Variants in DPP6 observed in about 807,000 individuals in gnomAD.
The protein encoded by DPP6 is dipeptidyl peptidase like 6.
DPP6 carries 69 observed loss-of-function variants against 122.6 expected under a neutral mutation model. The observed-to-expected ratio is 0.56, with a 90% CI of 0.46 to 0.69. DPP6 has a LOEUF of 0.69. DPP6 is among the 30% of genes least tolerant of loss of function. DPP6 has a pLI of 0.00. For missense variants in DPP6, 928 were observed against 1,116.9 expected (o/e 0.83, Z 2.41); for synonymous variants, 418 against 433.1 (o/e 0.97, Z 0.43).
the DPP6 span, among the ~76,000 whole-genome samples, chr7:153,855,810 A>G: frequency 2.5e-3 from 382 of 152,158 alleles, 1 homozygote; most frequent in African/African-American, 8.2e-3. Context: ...TACCATACCT[A>G]CATCTCTGCA....
chr7:154,060,733 CGCGAGGCAGGG>C (rs1801696594), intron 1 of DPP6, among the ~76,000 whole-genome samples: 2 of 145,388 alleles, frequency 1.4e-5, no homozygotes, highest in East Asian at 2.0e-4. Context: ...AGGCACCCCC[CGCGAGGCAGGG>C]ACTGAGAGCC....
At chr7:154,363,682 T>G (rs1811924078) in intron 1 of DPP6, among the ~76,000 whole-genome samples, 1 of 152,350 alleles carries the variant, frequency 6.6e-6, no homozygotes, top group African/African-American at 2.4e-5. Context: ...AAATGTCTAT[T>G]TTTTAAGACT....
intron 1 of DPP6, among the ~76,000 whole-genome samples, chr7:154,305,889 C>G (rs1283382972): frequency 6.6e-6 from 1 of 152,094 alleles, no homozygotes; most frequent in Admixed American, 6.6e-5. Context: ...TACAGAGCCG[C>G]CAGATCTAAC....
At chr7:154,824,024 T>A (rs912740330) in intron 16 of DPP6, among the ~76,000 whole-genome samples, 8 of 152,378 alleles carry the variant, frequency 5.3e-5, no homozygotes, top group African/African-American at 1.7e-4. Flanking sequence ...TTTGAAAAGT[T>A]GATCTTTGTC....
At chr7:154,889,569 A>C (rs1806438597) in intron 25 of DPP6, 39 bp downstream of exon 25, 1 of 1,579,700 alleles carries the variant, frequency 6.3e-7, no homozygotes. Flanking sequence ...ACCTGGAGCA[A>C]GACATTCCTT....
At chr7:154,247,938 CAA>C (rs1176618783) in intron 1 of DPP6, among the ~76,000 whole-genome samples, 12 of 152,260 alleles carry the variant, frequency 7.9e-5, no homozygotes, top group African/African-American at 2.9e-4. Context: ...TGCTATATAA[CAA>C]AGTGCCATAG....
chr7:154,075,372 T>C (rs978534938), intron 1 of DPP6, among the ~76,000 whole-genome samples: 10 of 151,788 alleles, frequency 6.6e-5, no homozygotes, highest in African/African-American at 2.4e-4. Context: ...CCTATAGCAG[T>C]ACAACTCACA....
At chr7:154,703,110 A>G (rs1423497982) in intron 7 of DPP6, among the ~76,000 whole-genome samples, 1 of 152,220 alleles carries the variant, frequency 6.6e-6, no homozygotes, top group African/African-American at 2.4e-5. Flanking sequence ...ACCATTGTGT[A>G]ATGAATATTT....
chr7:154,325,033 T>A (rs992609262), intron 1 of DPP6, among the ~76,000 whole-genome samples: 3 of 151,862 alleles, frequency 2.0e-5, no homozygotes, highest in African/African-American at 7.3e-5. Context: ...CTTGGCTAAT[T>A]TTTTTATATT....
At chr7:154,029,407 C>T (rs1799112216) in intron 1 of DPP6, among the ~76,000 whole-genome samples, 2 of 151,714 alleles carry the variant, frequency 1.3e-5, no homozygotes, top group African/African-American at 2.4e-5. Context: ...GTCCCAGCTA[C>T]TTGGGAGGCT....
chr7:153,993,002 A>G (rs2129042976), intron 1 of DPP6, among the ~76,000 whole-genome samples: 1 of 152,182 alleles, frequency 6.6e-6, no homozygotes, highest in East Asian at 1.9e-4. Context: ...CTTCCCCGGT[A>G]TACTTGGTAA....
the DPP6 span, among the ~76,000 whole-genome samples, chr7:153,798,639 A>G: frequency 6.6e-6 from 1 of 152,212 alleles, no homozygotes; most frequent in Non-Finnish European, 1.5e-5. Flanking sequence ...CCAGACTGGT[A>G]TGGAGTGGCA....
At chr7:154,090,743 T>C (rs999847560) in intron 1 of DPP6, among the ~76,000 whole-genome samples, 23 of 149,906 alleles carry the variant, frequency 1.5e-4, no homozygotes, top group African/African-American at 5.7e-4. Flanking sequence ...ATCCTTGGCT[T>C]TTACTCACCT....
At chr7:154,444,117 C>A (rs1819646637) in intron 1 of DPP6, among the ~76,000 whole-genome samples, 1 of 151,950 alleles carries the variant, frequency 6.6e-6, no homozygotes, top group African/African-American at 2.4e-5. Flanking sequence ...GTGGTTGTAC[C>A]CATTTAAAAA....
At chr7:154,686,520 G>A (rs1288347755) in intron 7 of DPP6, among the ~76,000 whole-genome samples, 1 of 152,028 alleles carries the variant, frequency 6.6e-6, no homozygotes, top group African/African-American at 2.4e-5. Context: ...TTCTCAAAGG[G>A]AATGAAACAT....
Position 154,483,401 on chromosome 7 carries a change from T to TTTTTAA in DPP6, c.457+8364_457+8365insTTTTAA, listed in dbSNP as rs61038137. Among the ~76,000 whole-genome samples the TTTTTAA allele has an allele frequency of 2.0e-5, 3 of 151,248 alleles. No individual in the cohort carries two copies. Among genetic ancestry groups the TTTTTAA allele is most frequent in the African/African-American group, 7.3e-5 (3 of 41,130 alleles). ...AGGCACAATACAATTTTTTTTTTTTTAAAAGCATTTATTTGAGCAAACAGT... is the reference window on the plus strand; with the variant it reads ...AGGCACAATACAATTTTTTTTTTTTTTTTTAAAAAAGCATTTATTTGAGCAAACAGT... On this transcript the variant is annotated intron_variant, in intron 3 of 25. Transcript: ENST00000377770. The surrounding 1 kb of genome is among the most constrained non-coding windows in gnomAD (Gnocchi z 8.1).
the DPP6 span, among the ~76,000 whole-genome samples, chr7:153,863,806 C>T: frequency 8.4e-4 from 127 of 151,876 alleles, no homozygotes; most frequent in Admixed American, 1.9e-3. Context: ...CTGCACGTTT[C>T]GTATAAAAGG....
intron 5 of DPP6, among the ~76,000 whole-genome samples, chr7:154,629,592 C>T (rs1208588017): frequency 6.7e-6 from 1 of 149,762 alleles, no homozygotes; most frequent in African/African-American, 2.5e-5. Flanking sequence ...ACTCTGGGCT[C>T]ATCTACACCT....
At chr7:154,003,897 G>C (rs2533554) in intron 1 of DPP6, among the ~76,000 whole-genome samples, 16 of 152,202 alleles carry the variant, frequency 1.1e-4, no homozygotes, top group African/African-American at 3.1e-4. Context: ...TGGCTCCAAG[G>C]AAGCCCCATG....
Sources: allele counts gnomAD v4.1 joint callset (sites outside exome capture counted in the v4.1 genomes callset), GRCh38; gene constraint gnomAD v4.1.1; non-coding constraint Gnocchi (gnomAD v3.1); transcripts MANE v1.5; gene names NCBI Gene and HGNC (gene_info 2026-07-23, HGNC 2026-07-21).